ESPN: variants seen among roughly 807,000 people sequenced by gnomAD.
ESPN encodes the protein espin.
A neutral mutation model predicts 77.7 loss-of-function variants in ESPN; 68 were observed. The observed-to-expected ratio is 0.87, with a 90% CI of 0.72 to 1.07. ESPN has a LOEUF of 1.07. Among genes scored for constraint, ESPN ranks in the 50% least tolerant of loss-of-function variants. The probability of loss-of-function intolerance (pLI) is 0.00; values close to 1 mark genes in which losing one functional copy is unlikely to be tolerated. For missense variants in ESPN, 1,060 were observed against 1,239.0 expected (o/e 0.86, Z 2.17); for synonymous variants, 449 against 567.1 (o/e 0.79, Z 2.96).
In ESPN at chr1:6,449,053, C is replaced by T. The variant is rs747098191; in HGVS notation, c.1877C>T (p.Pro626Leu). 1 of 1,484,816 alleles carries T rather than the reference C, an allele frequency of 6.7e-7. No individual in the cohort carries two copies. The highest frequency in any genetic ancestry group is 8.9e-7 in the Non-Finnish European group (1 of 1,124,930). The allele number at this position is 1,484,816 out of a possible 1,614,324, so 92.0% of individuals were successfully genotyped here. The change falls in exon 8 of 13, where the codon CCT (proline) becomes CTT (leucine). Residue 626 changes from proline to leucine, a missense_variant. Physicochemically the swap from Pro to Leu is moderately conservative, Grantham distance 98. Around this residue, in one of 3 missense-constraint regions of ESPN, gnomAD observed 374 missense variants for 381.4 expected, o/e 0.98. Transcript: ENST00000645284. ...APPLPLESAG[P>L]GCGQRRSSSS... ...CCTCTGCCCCTCGAGAGCGCTGGCC[C>T]TGGCTGCGGGCAGCGCCGCTCCTCC...
chr1:6,458,055 C>T (rs1253170923), intron 12 of ESPN, among the ~76,000 whole-genome samples: 1 of 150,766 alleles, frequency 6.6e-6, no homozygotes, highest in African/African-American at 2.4e-5. Flanking sequence ...GGGTTTCACT[C>T]TTGTCACCCA....
chr1:6,458,545 AC>A (rs1557721181), intron 12 of ESPN, among the ~76,000 whole-genome samples: 1 of 148,354 alleles, frequency 6.7e-6, no homozygotes, highest in African/African-American at 2.5e-5. Context: ...CGAACTCCTG[AC>A]CTCAGGTGAT....
rs1467667907 is a variant in ESPN, at chr1:6,424,931, G to C, written c.-25G>C. 1.3e-5 allele frequency: 19 copies of C among 1,437,164 alleles called. No individual in the cohort carries two copies. Among genetic ancestry groups the C allele is most frequent in the Non-Finnish European group, 1.6e-5 (18 of 1,098,364 alleles). 89.0% of individuals were successfully genotyped at this position (1,437,164 alleles called of 1,614,324 possible). On this transcript the variant is annotated 5_prime_UTR_variant, in exon 1 of 13. Transcript: ENST00000645284. Reference sequence around the variant, plus strand: ...CGTCCTGGGGAAGGCGCTGAGTGCGGAGTCGCGGCGCCGCACGCGGCACCA... The same window carrying C: ...CGTCCTGGGGAAGGCGCTGAGTGCGCAGTCGCGGCGCCGCACGCGGCACCA...
chr1:6,425,386 C>T, intron 1 of ESPN, 137 bp downstream of exon 1: 1 of 1,136,012 alleles, frequency 8.8e-7, no homozygotes, highest in Non-Finnish European at 1.2e-6. Context: ...GAGCTCCTTC[C>T]AGAGGCCCTC....
chr1:6,441,032 C>T lies in ESPN; in HGVS notation c.957C>T (p.His319=). ...TGTCGGACTTCAACGGCCACAGCCA[C>T]TGCACCCGCTACCTGCGCACGGTGG... The part of the protein sequence containing the change: ...ADLSDFNGHS[H]CTRYLRTVEN... Residue 319 remains histidine, a synonymous_variant, in exon 5 of 13, where the codon CAC becomes CAT. Coordinates refer to ENST00000645284, the MANE Select transcript of ESPN (RefSeq NM_031475.3). 6.2e-7 allele frequency: 1 copy of T among 1,611,608 alleles called. No individual in the cohort carries two copies. Among genetic ancestry groups the T allele is most frequent in the Non-Finnish European group, 8.5e-7 (1 of 1,179,658 alleles).
Position 6,460,317 on chromosome 1 carries a change from C to G in ESPN, c.*171C>G. ...CCCGTATCCCCAGCCCTTGGCAACACTGGAGTGCACACGCCGCCACGGTTG... is the reference window on the plus strand; with the variant it reads ...CCCGTATCCCCAGCCCTTGGCAACAGTGGAGTGCACACGCCGCCACGGTTG... On this transcript the variant is annotated 3_prime_UTR_variant, in exon 13 of 13. Transcript: ENST00000645284. 1.3e-6 allele frequency: 1 copy of G among 797,232 alleles called. No homozygotes were observed. The allele number at this position is 797,232 out of a possible 1,614,324, so 49.4% of individuals were successfully genotyped here. A position where few individuals can be genotyped will look rare whatever the true frequency, so the allele number is the denominator to read the frequency against.
In ESPN at chr1:6,450,470, A is replaced by G; in HGVS notation, c.1916-1133A>G. 2.0e-6 allele frequency: 2 copies of G among 978,668 alleles called. No homozygotes were observed. The highest frequency in any genetic ancestry group is 2.4e-6 in the Non-Finnish European group (2 of 823,530). The allele number at this position is 978,668 out of a possible 1,614,324, so 60.6% of individuals were successfully genotyped here. ...AGTGAGAGTCCTGAGGCACAGGAAG[A>G]GTGAGTAGCTGCGTGCGCGGCTCCT... On this transcript the variant is annotated intron_variant, in intron 8 of 12. Transcript: ENST00000645284. This position sits in a 1 kb window ranked among gnomAD's most constrained non-coding sequence, Gnocchi z 4.3.
chr1:6,444,569 C>T lies in ESPN; in HGVS notation c.1079C>T (p.Thr360Met), dbSNP rs760559462. Reference sequence around the variant, plus strand: ...TCAGGCATGTCCTCACCCAATACCACGGTGTCGGTCCAGCCGCTGAACTTT... The same window carrying T: ...TCAGGCATGTCCTCACCCAATACCATGGTGTCGGTCCAGCCGCTGAACTTT... ...PDSGMSSPNT[T>M]VSVQPLNFDL... The change falls in exon 6 of 13, where the codon ACG (threonine) becomes ATG (methionine). Residue 360 changes from threonine (T) to methionine (M), a missense_variant. Physicochemically the swap from Thr to Met is moderately conservative, Grantham distance 81. Transcript: ENST00000645284. The T allele has an allele frequency of 1.4e-5, 22 of 1,614,110 alleles. No homozygotes were observed. The highest frequency in any genetic ancestry group is 2.2e-5 in the East Asian group (1 of 44,900).
At chr1:6,459,296 A>G (rs1644112583) in intron 12 of ESPN, among the ~76,000 whole-genome samples, 1 of 151,562 alleles carries the variant, frequency 6.6e-6, no homozygotes, top group African/African-American at 2.4e-5. Context: ...GGTTCCAGCT[A>G]CTTGGGAGGC....
rs751279882 is a variant in ESPN, at chr1:6,460,194, G to A, written c.*48G>A. The stretch of plus-strand genomic sequence containing the variant: ...GCCTCGCAGCTCCGTGGGGCCCTCC[G>A]CCCCAGCCCCAGCCAGCCAGGCCCT... On this transcript the variant is annotated 3_prime_UTR_variant, in exon 13 of 13. Transcript: ENST00000645284. 1.3e-6 allele frequency: 2 copies of A among 1,588,316 alleles called. No homozygotes were observed. The highest frequency in any genetic ancestry group is 1.7e-6 in the Non-Finnish European group (2 of 1,164,340).
intron 2 of ESPN, among the ~76,000 whole-genome samples, chr1:6,429,144 G>A (rs1196502620): frequency 6.6e-6 from 1 of 151,996 alleles, no homozygotes; most frequent in Non-Finnish European, 1.5e-5. Context: ...CGCCTGGGGA[G>A]GCAGGGATCC....
rs761087054 is a variant in ESPN, at chr1:6,448,976, ACCG to A, written c.1812_1814del (p.Pro605del). On this transcript the variant is annotated inframe_deletion, in exon 8 of 13. Coordinates refer to ENST00000645284, the MANE Select transcript of ESPN (RefSeq NM_031475.3). ...CCAGGGAGCTGCCACCGCCGCCCCC[ACCG>A]CCGCCGCCGCCCCTGCCGGAGGCCG... 108 of 1,418,084 alleles carry A rather than the reference ACCG, an allele frequency of 7.6e-5. No individual in the cohort carries two copies. Among genetic ancestry groups the A allele is most frequent in the Admixed American group, 2.9e-4 (10 of 34,868 alleles). The allele number at this position is 1,418,084 out of a possible 1,614,324, so 87.8% of individuals were successfully genotyped here.
intron 5 of ESPN, among the ~76,000 whole-genome samples, chr1:6,441,644 C>G (rs1475747451): frequency 6.6e-6 from 1 of 152,240 alleles, no homozygotes; most frequent in African/African-American, 2.4e-5. Context: ...GACTTGAACT[C>G]AGCTGTGGAT....
intron 2 of ESPN, among the ~76,000 whole-genome samples, chr1:6,435,815 A>G (rs1557698464): frequency 6.6e-6 from 1 of 152,252 alleles, no homozygotes; most frequent in Non-Finnish European, 1.5e-5. Flanking sequence ...GAAGGATCCT[A>G]AAGTTCAGCA....
chr1:6,428,796 C>T lies in ESPN; in HGVS notation c.488+377C>T, dbSNP rs1243284919. ...TTTGCAAGACTGTTCAGGATGGAGTCGGGGGCAGCAAGGGCAGGAGCGCCT... is the reference window on the plus strand; with the variant it reads ...TTTGCAAGACTGTTCAGGATGGAGTTGGGGGCAGCAAGGGCAGGAGCGCCT... On this transcript the variant is annotated intron_variant, in intron 2 of 12. Transcript: ENST00000645284. This position sits in a 1 kb window ranked among gnomAD's most constrained non-coding sequence, Gnocchi z 5.4. Among the ~76,000 whole-genome samples the T allele has an allele frequency of 2.0e-5, 3 of 152,220 alleles. No individual in the cohort carries two copies. The highest frequency in any genetic ancestry group is 2.1e-4 in the South Asian group (1 of 4,814).
At chr1:6,440,507 G>T in intron 3 of ESPN, 67 bp downstream of exon 3, 1 of 1,356,724 alleles carries the variant, frequency 7.4e-7, no homozygotes, top group South Asian at 1.5e-5. Context: ...GGAGTGGAGG[G>T]AGCGGGGCCA....
rs1040159942 is a variant in ESPN at position 6,427,810 on chromosome 1, C to T, written c.295-416C>T. Among the ~76,000 whole-genome samples the T allele has an allele frequency of 1.1e-4, 16 of 152,210 alleles. No homozygotes were observed. Among genetic ancestry groups the T allele is most frequent in the African/African-American group, 3.6e-4 (15 of 41,454 alleles). On this transcript the variant is annotated intron_variant, in intron 1 of 12. Transcript: ENST00000645284. The surrounding 1 kb of genome is among the most constrained non-coding windows in gnomAD (Gnocchi z 4.6). ...TAGCTTGGTACAGCCCCACAGCCCC[C>T]CTTCCTGGCCCTGCTCAGCCCAGTA...
chr1:6,425,244 G>A lies in ESPN; in HGVS notation c.289G>A (p.Val97Met). Residue 97 changes from valine (V) to methionine (M), a missense_variant, in exon 1 of 13, where the codon GTG becomes ATG. Coordinates refer to ENST00000645284, the MANE Select transcript of ESPN (RefSeq NM_031475.3). ...GCTGCTGTCGCAGGGCGGCTGCAGAGTGCAGGTGGGTCCGCGCGGTTCGCC... is the reference window on the plus strand; with the variant it reads ...GCTGCTGTCGCAGGGCGGCTGCAGAATGCAGGTGGGTCCGCGCGGTTCGCC... ...QWLLSQGGCR[V>M]QDKDNSGATV... 1 of 1,567,572 alleles carries A rather than the reference G, an allele frequency of 6.4e-7. No homozygotes were observed. Among genetic ancestry groups the A allele is most frequent in the Non-Finnish European group, 8.6e-7 (1 of 1,165,344 alleles).
Position 6,448,976 on chromosome 1 carries a change from ACCGCCGCCG to A in ESPN, c.1806_1814del (p.Pro603_Pro605del). On this transcript the variant is annotated inframe_deletion, in exon 8 of 13. Coordinates refer to ENST00000645284, the MANE Select transcript of ESPN (RefSeq NM_031475.3). ...CCAGGGAGCTGCCACCGCCGCCCCC[ACCGCCGCCG>A]CCGCCCCTGCCGGAGGCCGCGAGTT... The A allele has an allele frequency of 7.0e-7, 1 of 1,419,466 alleles. No individual in the cohort carries two copies. The highest frequency in any genetic ancestry group is 9.2e-7 in the Non-Finnish European group (1 of 1,090,022). 87.9% of individuals were successfully genotyped at this position (1,419,466 alleles called of 1,614,324 possible).
Sources: gnomAD v4.1 joint callset for allele counts (sites outside exome capture counted in the v4.1 genomes callset) on GRCh38, gnomAD v4.1.1 for gene constraint, gnomAD v4.1.1 regional missense constraint, Gnocchi (gnomAD v3.1) non-coding constraint, MANE v1.5 for transcripts, NCBI Gene and HGNC (gene_info 2026-07-23, HGNC 2026-07-21) for gene names.